Variants in WWOX observed in about 807,000 individuals in gnomAD.
WWOX encodes WW domain containing oxidoreductase, also known as WW domain-containing oxidoreductase.
In WWOX, 69 loss-of-function variants were observed where a neutral mutation model predicts 46.2. The ratio of observed to expected loss-of-function variants is 1.49; its 90% confidence interval spans 1.23 to 1.82. The LOEUF is 1.82. Among genes scored for constraint, WWOX ranks in the 40% most tolerant of loss-of-function variants. The pLI, the probability that WWOX is intolerant of heterozygous loss-of-function variation, is 0.00. For missense variants in WWOX, 919 were observed against 542.6 expected (o/e 1.69, Z -6.89); for synonymous variants, 359 against 202.6 (o/e 1.77, Z -6.56).
intron 8 of WWOX, among the ~76,000 whole-genome samples, chr16:79,103,294 A>G (rs974188777): frequency 2.6e-5 from 4 of 152,208 alleles, no homozygotes; most frequent in Admixed American, 2.6e-4. Flanking sequence ...TAATTTCTGT[A>G]TGAAGTGACT....
intron 8 of WWOX, among the ~76,000 whole-genome samples, chr16:79,003,889 C>G (rs553801083): frequency 6.6e-6 from 1 of 152,292 alleles, no homozygotes; most frequent in East Asian, 1.9e-4. Flanking sequence ...GACTCCACCT[C>G]TCGATGAGAG....
In WWOX at chr16:78,505,179, C is replaced by G. The variant is rs114678975; in HGVS notation, c.1056+72427C>G. Reference sequence around the variant, plus strand: ...AGATCTTTTAAATACACAGAACTTACTTTTGAAAGCTGTGGCCCATCCCAA... The same window carrying G: ...AGATCTTTTAAATACACAGAACTTAGTTTTGAAAGCTGTGGCCCATCCCAA... On this transcript the variant is annotated intron_variant, in intron 8 of 8. Coordinates refer to ENST00000566780, the MANE Select transcript of WWOX (RefSeq NM_016373.4). Among the ~76,000 whole-genome samples, 608 of 152,326 alleles carry G rather than the reference C, an allele frequency of 4.0e-3. 2 individuals are homozygous for G. Among genetic ancestry groups the G allele is most frequent in the African/African-American group, 0.014 (591 of 41,572 alleles).
rs145312998 is a variant in WWOX at position 78,176,313 on chromosome 16, T to C, written c.516+12024T>C. ...CTCATTTCTTTGTAACCCCTGTCCC[T>C]CTTTTTATTATTGAAGCTTGGGATG... On this transcript the variant is annotated intron_variant, in intron 5 of 8. Transcript: ENST00000566780. Among the ~76,000 whole-genome samples, 11 of 152,288 alleles carry C rather than the reference T, an allele frequency of 7.2e-5. No homozygotes were observed. The East Asian group carries it at 1.9e-3, about 27-fold the overall frequency.
chr16:78,288,632 T>C (rs552782295), intron 5 of WWOX, among the ~76,000 whole-genome samples: 35 of 152,148 alleles, frequency 2.3e-4, no homozygotes, highest in Non-Finnish European at 4.7e-4. Context: ...GCCTGATACA[T>C]TTGCAAGGTC....
chr16:78,856,724 A>G (rs934789008), intron 8 of WWOX, among the ~76,000 whole-genome samples: 15 of 152,224 alleles, frequency 9.9e-5, no homozygotes, highest in Non-Finnish European at 2.2e-4. Context: ...AAAATGTACT[A>G]TCTTATGAAA....
intron 6 of WWOX, among the ~76,000 whole-genome samples, chr16:78,418,578 G>A (rs536825077): frequency 6.6e-6 from 1 of 152,148 alleles, no homozygotes; most frequent in African/African-American, 2.4e-5. Context: ...CAAGCCAAAT[G>A]CAGCCACATA....
At chr16:78,296,465 A>G (rs2079945765) in intron 5 of WWOX, among the ~76,000 whole-genome samples, 1 of 151,516 alleles carries the variant, frequency 6.6e-6, no homozygotes, top group Non-Finnish European at 1.5e-5. Context: ...TGAGCAAAAC[A>G]TATTGTTTTC....
At chr16:78,710,778 C>G (rs1737974119) in intron 8 of WWOX, among the ~76,000 whole-genome samples, 1 of 151,218 alleles carries the variant, frequency 6.6e-6, no homozygotes, top group African/African-American at 2.4e-5. Context: ...CCGTGCCCAG[C>G]TAATTGTTTA....
At chr16:78,786,834 A>T (rs2050469479) in intron 8 of WWOX, among the ~76,000 whole-genome samples, 1 of 152,200 alleles carries the variant, frequency 6.6e-6, no homozygotes, top group African/African-American at 2.4e-5. Context: ...AATTGTGGTA[A>T]GATTTACATA....
intron 5 of WWOX, among the ~76,000 whole-genome samples, chr16:78,351,922 G>T (rs1268180935): frequency 6.6e-6 from 1 of 152,198 alleles, no homozygotes; most frequent in Non-Finnish European, 1.5e-5. Context: ...CTCCCAAAGT[G>T]CTGGGATTAT....
In WWOX at chr16:78,574,971, C is replaced by G. The variant is rs558926768; in HGVS notation, c.1056+142219C>G. Among the ~76,000 whole-genome samples, 14 of 108,676 alleles carry G rather than the reference C, an allele frequency of 1.3e-4. No homozygotes were observed. In the South Asian group the frequency reaches 3.2e-3, roughly 25 times the overall value. The allele number at this position is 108,676 out of a possible 152,430, so 71.3% of individuals were successfully genotyped here. On this transcript the variant is annotated intron_variant, in intron 8 of 8. Coordinates refer to ENST00000566780, the MANE Select transcript of WWOX (RefSeq NM_016373.4). ...TAATCAAATCATTACTTTATAGACC[C>G]TGAATATATTCAATATTTATTTTTC...
chr16:78,468,264 C>CTT (rs57174158), intron 8 of WWOX, among the ~76,000 whole-genome samples: 41 of 136,688 alleles, frequency 3.0e-4, no homozygotes, highest in South Asian at 1.2e-3. Context: ...GGCTGCCTTT[C>CTT]TTTTTTTTTT....
intron 8 of WWOX, among the ~76,000 whole-genome samples, chr16:78,743,434 G>A (rs1274942235): frequency 6.6e-6 from 1 of 152,100 alleles, no homozygotes. Flanking sequence ...AGGATTCGGT[G>A]TCTACCCTCA....
intron 8 of WWOX, among the ~76,000 whole-genome samples, chr16:78,980,100 C>A (rs962203374): frequency 6.6e-6 from 1 of 152,210 alleles, no homozygotes; most frequent in Non-Finnish European, 1.5e-5. Context: ...TGCACTGCAG[C>A]CTTGGCAACA....
At chr16:79,007,023 G>T (rs1302283120) in intron 8 of WWOX, among the ~76,000 whole-genome samples, 1 of 152,084 alleles carries the variant, frequency 6.6e-6, no homozygotes, top group Admixed American at 6.5e-5. Context: ...TCTGGTGAGT[G>T]GGATGGGGGT....
intron 8 of WWOX, among the ~76,000 whole-genome samples, chr16:78,808,906 C>G (rs748085527): frequency 6.6e-6 from 1 of 152,102 alleles, no homozygotes; most frequent in African/African-American, 2.4e-5. Context: ...ATCTAAATTC[C>G]GTTAGGCCAT....
intron 8 of WWOX, among the ~76,000 whole-genome samples, chr16:78,601,762 G>C (rs934516549): frequency 1.3e-5 from 2 of 152,182 alleles, no homozygotes; most frequent in Admixed American, 1.3e-4. Context: ...GACAGTAATG[G>C]TATTGTTAGC....
intron 8 of WWOX, among the ~76,000 whole-genome samples, chr16:79,008,140 A>G (rs927412911): frequency 1.3e-5 from 2 of 152,114 alleles, no homozygotes; most frequent in Non-Finnish European, 2.9e-5. Flanking sequence ...TGTAGGACTG[A>G]GGTGCTTGTT....
At chr16:78,186,934 A>G (rs1205364662) in intron 5 of WWOX, among the ~76,000 whole-genome samples, 1 of 152,168 alleles carries the variant, frequency 6.6e-6, no homozygotes, top group Non-Finnish European at 1.5e-5. Flanking sequence ...CACTGGCATG[A>G]TAATATTAAC....
Sources: gnomAD v4.1 joint callset for allele counts (sites outside exome capture counted in the v4.1 genomes callset) on GRCh38, gnomAD v4.1.1 for gene constraint, MANE v1.5 for transcripts, NCBI Gene and HGNC (gene_info 2026-07-23, HGNC 2026-07-21) for gene names.